DENND2B: variants seen among roughly 807,000 people sequenced by gnomAD.
DENND2B encodes the protein DENN domain-containing protein 2B.
In DENND2B, 32 loss-of-function variants were observed where a neutral mutation model predicts 116.0. The ratio of observed to expected loss-of-function variants is 0.28; its 90% CI spans 0.21 to 0.37. DENND2B has a LOEUF of 0.37. Ranked by LOEUF, DENND2B falls within the 10% of genes least tolerant of loss-of-function variation. The pLI, the probability that DENND2B is intolerant of heterozygous loss-of-function variation, is 1.00. For synonymous variants in DENND2B, 588 were observed against 583.9 expected (o/e 1.01, Z -0.10); for missense variants, 1,276 against 1,477.7 (o/e 0.86, Z 2.24).
intron 1 of DENND2B, chr11:8,871,159 A>G (rs965050383): frequency 2.0e-5 from 3 of 151,982 alleles, no homozygotes; most frequent in African/African-American, 7.3e-5. Flanking sequence ...GCCTCCACCC[A>G]AGACAGAGAG....
chr11:8,748,002 C>T (rs1041467056), intron 2 of DENND2B, among the ~76,000 whole-genome samples: 4 of 152,180 alleles, frequency 2.6e-5, no homozygotes, highest in African/African-American at 9.7e-5. Context: ...AGGGTCCCAT[C>T]TGCCCACCCC....
chr11:8,853,547 G>A (rs573285864), intron 3 of DENND2B, among the ~76,000 whole-genome samples: 6 of 152,216 alleles, frequency 3.9e-5, no homozygotes, highest in Non-Finnish European at 8.8e-5. Flanking sequence ...AAATTACCTG[G>A]CCTAAAGTAT....
intron 18 of DENND2B, among the ~76,000 whole-genome samples, chr11:8,696,146 A>G (rs1191350916): frequency 1.3e-5 from 2 of 152,068 alleles, no homozygotes; most frequent in Non-Finnish European, 1.5e-5. Flanking sequence ...GCTTTCTCCT[A>G]TCTTTCTCTT....
At position 8,702,123 on chromosome 11, in the gene DENND2B, A is replaced by G. The variant is rs1312467934; in HGVS notation, c.2720+449T>C. On this transcript the variant is annotated intron_variant, in intron 14 of 19. Coordinates refer to ENST00000313726, the MANE Select transcript of DENND2B (RefSeq NM_213618.2). The surrounding 1 kb of genome is among the most constrained non-coding windows in gnomAD (Gnocchi z 4.6). Reference sequence around the variant, plus strand: ...CCACAGGACCCTCGCTGGCTGGCTCAGCATTCCTCACACTGTCCCCGGTCA... The same window carrying G: ...CCACAGGACCCTCGCTGGCTGGCTCGGCATTCCTCACACTGTCCCCGGTCA... Among the ~76,000 whole-genome samples the G allele has an allele frequency of 1.3e-5, 2 of 151,948 alleles. No homozygotes were observed. The highest frequency in any genetic ancestry group is 1.3e-4 in the Admixed American group (2 of 15,272).
Position 8,711,262 on chromosome 11 carries a change from T to C in DENND2B, c.2173-31A>G, listed in dbSNP as rs376062708. 1.1e-4 allele frequency: 175 copies of C among 1,605,836 alleles called. No individual in the cohort carries two copies. The African/African-American group carries it at 1.4e-3, about 13-fold the overall frequency. ...GGGAAGAAGGAACCAGGAGATGACA[T>C]GGAACCTGAGGGCGGGTGGTGGTGG... is the stretch of plus-strand genomic sequence containing the variant. On this transcript the variant is annotated intron_variant, in intron 9 of 19. Transcript: ENST00000313726.
chr11:8,761,455 C>T (rs944226288), intron 1 of DENND2B, among the ~76,000 whole-genome samples: 2 of 152,180 alleles, frequency 1.3e-5, no homozygotes, highest in South Asian at 2.1e-4. Flanking sequence ...CCTGCAATTT[C>T]GATGATCCAG....
chr11:8,880,848 TC>T (rs1222877517), intron 2 of DENND2B, among the ~76,000 whole-genome samples: 1 of 152,132 alleles, frequency 6.6e-6, no homozygotes, highest in African/African-American at 2.4e-5. Flanking sequence ...TCCCAAAACT[TC>T]CAACTACTCA....
At chr11:8,800,144 G>A (rs1031344575) in intron 1 of DENND2B, among the ~76,000 whole-genome samples, 3 of 151,800 alleles carry the variant, frequency 2.0e-5, no homozygotes, top group Non-Finnish European at 4.4e-5. Context: ...GTAGAGATGG[G>A]GGTCTCATTA....
At chr11:8,762,215 T>C (rs1473281057) in intron 1 of DENND2B, among the ~76,000 whole-genome samples, 1 of 152,172 alleles carries the variant, frequency 6.6e-6, no homozygotes, top group African/African-American at 2.4e-5. Context: ...CTGGGTCCCT[T>C]TTATAACTCT....
At chr11:8,713,872 CCTGT>C (rs2044234704) in intron 8 of DENND2B, 122 bp downstream of exon 8, 3 of 980,556 alleles carry the variant, frequency 3.1e-6, no homozygotes, top group Admixed American at 3.6e-5. Flanking sequence ...TGGTATCTGG[CCTGT>C]CTGTCACCTC....
In DENND2B at chr11:8,730,950, G is replaced by T; in HGVS notation, c.340C>A (p.Gln114Lys). ...GCTGCGCCTTGGACACTTTCCTTTT[G>T]GGCGTCTCTCTTGCACGCCGAAGGG... is the stretch of plus-strand genomic sequence containing the variant. ...RSPSACKRDA[Q>K]KESVQGAAQD... is the part of the protein sequence containing the mutation. Residue 114 changes from glutamine to lysine, a missense_variant, in exon 3 of 20, where the codon CAA (glutamine) becomes AAA (lysine). Coordinates refer to ENST00000313726, the MANE Select transcript of DENND2B (RefSeq NM_213618.2). The surrounding 1 kb of genome is among the most constrained non-coding windows in gnomAD (Gnocchi z 4.1). 6.2e-7 allele frequency: 1 copy of T among 1,614,238 alleles called. No homozygotes were observed. The highest frequency in any genetic ancestry group is 8.5e-7 in the Non-Finnish European group (1 of 1,180,044).
intron 1 of DENND2B, among the ~76,000 whole-genome samples, chr11:8,757,716 C>T (rs1235840499): frequency 1.3e-5 from 2 of 152,154 alleles, no homozygotes; most frequent in East Asian, 1.9e-4. Context: ...GGGTTAGTTA[C>T]ACTTTACCAA....
intron 2 of DENND2B, among the ~76,000 whole-genome samples, chr11:8,863,930 T>C (rs998600013): frequency 1.3e-5 from 2 of 152,154 alleles, no homozygotes; most frequent in Non-Finnish European, 2.9e-5. Flanking sequence ...CACTCATCCC[T>C]GGCTCAAGAG....
chr11:8,800,117 T>A lies in DENND2B; in HGVS notation c.-26+10400A>T, dbSNP rs185321877. Among the ~76,000 whole-genome samples, 8 of 152,134 alleles carry A rather than the reference T, an allele frequency of 5.3e-5. No homozygotes were observed. In the East Asian group the frequency reaches 1.6e-3, roughly 30 times the overall value. On this transcript the variant is annotated intron_variant, in intron 1 of 19. Transcript: ENST00000313726. The stretch of plus-strand genomic sequence containing the variant: ...TACAGGCATGTGTTACCATGCTTGG[T>A]TAATTTCATTTATTTTGTAGAGATG...
At chr11:8,759,821 A>T (rs1440005938) in intron 1 of DENND2B, among the ~76,000 whole-genome samples, 1 of 152,218 alleles carries the variant, frequency 6.6e-6, no homozygotes, top group East Asian at 1.9e-4. Flanking sequence ...CTGGCCAAGG[A>T]CATGAGGAAC....
intron 2 of DENND2B, among the ~76,000 whole-genome samples, chr11:8,739,193 T>C (rs573389389): frequency 2.5e-4 from 38 of 152,388 alleles, no homozygotes; most frequent in African/African-American, 8.4e-4. Context: ...CTTCCTCGCC[T>C]TTCTCTTTGT....
At chr11:8,823,558 A>G (rs1391421962) in intron 4 of DENND2B, among the ~76,000 whole-genome samples, 2 of 152,246 alleles carry the variant, frequency 1.3e-5, no homozygotes, top group East Asian at 1.9e-4. Flanking sequence ...CATTTCCCCC[A>G]CGCTGTTTTC....
At chr11:8,695,663 C>CTGGGATGATAAT in intron 18 of DENND2B, 114 bp from the exon 19 acceptor site, 1 of 872,148 alleles carries the variant, frequency 1.1e-6, no homozygotes. Context: ...AAGAAAACAT[C>CTGGGATGATAAT]TGGGATGATA....
intron 1 of DENND2B, among the ~76,000 whole-genome samples, chr11:8,898,436 A>C (rs2064128319): frequency 6.6e-6 from 1 of 152,220 alleles, no homozygotes; most frequent in Admixed American, 6.5e-5. Context: ...AAAAGATGTC[A>C]GTAGCTACAC....
Sources: allele counts gnomAD v4.1 joint callset (sites outside exome capture counted in the v4.1 genomes callset), GRCh38; gene constraint gnomAD v4.1.1; non-coding constraint Gnocchi (gnomAD v3.1); transcripts MANE v1.5; gene names NCBI Gene and HGNC (gene_info 2026-07-23, HGNC 2026-07-21).